Variants in CAPN11 observed in about 807,000 individuals in gnomAD.
CAPN11 encodes the protein calpain 11, also known as calpain-11.
CAPN11 carries 108 observed loss-of-function variants against 105.3 expected under a neutral mutation model. The observed-to-expected ratio is 1.03, with a 90% CI of 0.88 to 1.20. CAPN11 has a LOEUF of 1.20. Ranked by LOEUF, CAPN11 falls within the 50% of genes most tolerant of loss-of-function variation. The probability of loss-of-function intolerance (pLI) is 0.00; values close to 1 mark genes in which losing one functional copy is unlikely to be tolerated. For synonymous variants in CAPN11, 329 were observed against 344.5 expected (o/e 0.96, Z 0.50); for missense variants, 883 against 924.8 (o/e 0.95, Z 0.59).
At chr6:44,166,706 T>A in intron 1 of CAPN11, 52 bp from the exon 2 acceptor site, 1 of 1,392,126 alleles carries the variant, frequency 7.2e-7, no homozygotes, top group Non-Finnish European at 1.0e-6. Context: ...TGGGCTCTGT[T>A]TAACTTTAGA....
chr6:44,164,573 C>A (rs1486037081), intron 1 of CAPN11, among the ~76,000 whole-genome samples: 2 of 152,170 alleles, frequency 1.3e-5, no homozygotes, highest in African/African-American at 4.8e-5. Flanking sequence ...GATGCTAGCG[C>A]AGCCCCAAGT....
intron 1 of CAPN11, chr6:44,161,981 A>T: frequency 2.2e-6 from 1 of 446,464 alleles, no homozygotes; most frequent in African/African-American, 2.0e-5. Flanking sequence ...TATTGTGGAG[A>T]CTTTCCTCTA....
Position 44,176,564 on chromosome 6 carries a change from G to C in CAPN11, c.1002-17G>C. 1 of 1,610,638 alleles carries C rather than the reference G, an allele frequency of 6.2e-7. No homozygotes were observed. Among genetic ancestry groups the C allele is most frequent in the Non-Finnish European group, 8.5e-7 (1 of 1,177,348 alleles). ...TGACCTCCGCCCCTCTCCTTCCACC[G>C]CCCATCTCTGCTCCAGTGCCAGGGA... On this transcript the variant is annotated splice_polypyrimidine_tract_variant and intron_variant, in intron 9 of 22. Coordinates refer to ENST00000398776, the MANE Select transcript of CAPN11 (RefSeq NM_007058.4).
At chr6:44,159,705 A>G (rs536836474) in intron 1 of CAPN11, among the ~76,000 whole-genome samples, 37 of 152,044 alleles carry the variant, frequency 2.4e-4, no homozygotes, top group African/African-American at 8.2e-4. Context: ...TAATTTATTT[A>G]TTTATTATTA....
chr6:44,169,771 G>A (rs1770644619), intron 3 of CAPN11, 135 bp from the exon 4 acceptor site: 3 of 812,884 alleles, frequency 3.7e-6, no homozygotes, highest in African/African-American at 1.7e-5. Context: ...TGCCAAGTTG[G>A]TCCTGTACCC....
At chr6:44,161,242 C>T (rs759507541) in intron 1 of CAPN11, among the ~76,000 whole-genome samples, 1 of 151,776 alleles carries the variant, frequency 6.6e-6, no homozygotes, top group Non-Finnish European at 1.5e-5. Context: ...CTCTATTGCC[C>T]AGGCTGGAGT....
chr6:44,183,043 C>T (rs758345666), intron 20 of CAPN11, 24 bp downstream of exon 20: 1 of 1,607,356 alleles, frequency 6.2e-7, no homozygotes, highest in Admixed American at 1.7e-5. Context: ...AGGAGTGGGC[C>T]TTGGGGCAGG....
At chr6:44,169,166 T>C in intron 2 of CAPN11, 115 bp from the exon 3 acceptor site, 1 of 1,213,624 alleles carries the variant, frequency 8.2e-7, no homozygotes, top group South Asian at 1.5e-5. Context: ...ACTCCTAGGC[T>C]GAAGAGATCC....
At chr6:44,169,765 A>C in intron 3 of CAPN11, 141 bp from the exon 4 acceptor site, 1 of 775,590 alleles carries the variant, frequency 1.3e-6, no homozygotes, top group Non-Finnish European at 2.1e-6. Flanking sequence ...CAGCTATGCC[A>C]AGTTGGTCCT....
intron 11 of CAPN11, 90 bp downstream of exon 11, chr6:44,177,088 C>A: frequency 6.6e-7 from 1 of 1,510,448 alleles, no homozygotes. Flanking sequence ...CACGAGTCAC[C>A]GGAGTCAGGG....
chr6:44,180,376 C>A, intron 14 of CAPN11, 84 bp from the exon 15 acceptor site: 1 of 1,337,110 alleles, frequency 7.5e-7, no homozygotes, highest in Non-Finnish European at 1.1e-6. Context: ...GCTTCAAAGA[C>A]ATGACATGAC....
Position 44,177,292 on chromosome 6 carries a change from G to C in CAPN11, c.1288G>C (p.Asp430His), listed in dbSNP as rs1772238639. ...QFKISLPEGDDPEDDAEGNVV... is the reference protein window; with the variant it reads ...QFKISLPEGDHPEDDAEGNVV... The stretch of plus-strand genomic sequence containing the variant: ...TAAGATCTCTCTTCCTGAGGGGGAT[G>C]ACCCAGAGGATGACGCAGAGGGCAA... Residue 430 changes from aspartate (D) to histidine (H), a missense_variant, in exon 12 of 23, where the codon GAC (aspartate) becomes CAC (histidine). Coordinates refer to ENST00000398776, the MANE Select transcript of CAPN11 (RefSeq NM_007058.4). 3 of 1,612,618 alleles carry C rather than the reference G, an allele frequency of 1.9e-6. No homozygotes were observed. The highest frequency in any genetic ancestry group is 2.7e-5 in the African/African-American group (2 of 75,026).
At chr6:44,167,916 G>GCAA (rs1582864271) in intron 2 of CAPN11, among the ~76,000 whole-genome samples, 2 of 148,518 alleles carry the variant, frequency 1.3e-5, no homozygotes, top group Non-Finnish European at 3.0e-5. Context: ...ACTCTGTTTT[G>GCAA]AAAAAAAAAA....
intron 22 of CAPN11, 40 bp from the exon 23 acceptor site, chr6:44,183,866 C>A: frequency 6.4e-7 from 1 of 1,566,386 alleles, no homozygotes; most frequent in Non-Finnish European, 8.7e-7. Context: ...ATCCTGCCCC[C>A]GTCTCTTCCC....
intron 2 of CAPN11, 112 bp downstream of exon 2, chr6:44,166,941 GGAGGGCGGC>G: frequency 1.6e-6 from 1 of 628,968 alleles, no homozygotes. Context: ...TGTTGTGTGG[GGAGGGCGGC>G]GGGGGGAGGG....
chr6:44,180,359 C>T (rs923619826), intron 14 of CAPN11, 101 bp from the exon 15 acceptor site: 21 of 1,159,838 alleles, frequency 1.8e-5, no homozygotes, highest in Middle Eastern at 5.5e-4. Flanking sequence ...TGGAGCTGCC[C>T]TATATTGCTT....
In CAPN11 at chr6:44,183,025, C is replaced by T; in HGVS notation, c.2017+6C>T. On this transcript the variant is annotated splice_donor_region_variant and intron_variant, in intron 20 of 22. Coordinates refer to ENST00000398776, the MANE Select transcript of CAPN11 (RefSeq NM_007058.4). ...CCTGGTTATTGAGAAAGCAGGTGGC[C>T]AAGGGTCAGGAGTGGGCCTTGGGGC... 1 of 1,611,706 alleles carries T rather than the reference C, an allele frequency of 6.2e-7. No homozygotes were observed. The highest frequency in any genetic ancestry group is 8.5e-7 in the Non-Finnish European group (1 of 1,178,298).
rs1421040707 is a variant in CAPN11, at chr6:44,184,036, C to A, written c.*104C>A. 1.5e-6 allele frequency: 2 copies of A among 1,302,662 alleles called. No homozygotes were observed. Among genetic ancestry groups the A allele is most frequent in the Non-Finnish European group, 2.1e-6 (2 of 931,920 alleles). 80.7% of individuals were successfully genotyped at this position (1,302,662 alleles called of 1,614,324 possible). A position where few individuals can be genotyped will look rare whatever the true frequency, so the allele number is the denominator to read the frequency against. ...GTAGCCCTCAGCTCTCCGGTCTCTG[C>A]TGATGAAATGGGCTCCAGGTGGCAG... On this transcript the variant is annotated 3_prime_UTR_variant, in exon 23 of 23. Coordinates refer to ENST00000398776, the MANE Select transcript of CAPN11 (RefSeq NM_007058.4).
In CAPN11 at chr6:44,180,682, A is replaced by G; in HGVS notation, c.1746+20A>G. Reference sequence around the variant, plus strand: ...GGAGAGGTGAGCAGGCCACGAGCGGAGGGCTGACAGGAGGGGGATGAGGGG... The same window carrying G: ...GGAGAGGTGAGCAGGCCACGAGCGGGGGGCTGACAGGAGGGGGATGAGGGG... On this transcript the variant is annotated intron_variant, in intron 16 of 22. Coordinates refer to ENST00000398776, the MANE Select transcript of CAPN11 (RefSeq NM_007058.4). 3 of 1,613,444 alleles carry G rather than the reference A, an allele frequency of 1.9e-6. No homozygotes were observed. The highest frequency in any genetic ancestry group is 2.5e-6 in the Non-Finnish European group (3 of 1,179,668).
Sources: gnomAD v4.1 joint callset for allele counts (sites outside exome capture counted in the v4.1 genomes callset) on GRCh38, gnomAD v4.1.1 for gene constraint, MANE v1.5 for transcripts, NCBI Gene and HGNC (gene_info 2026-07-23, HGNC 2026-07-21) for gene names.